MSI2: variants seen among roughly 807,000 people sequenced by gnomAD.
MSI2 encodes the protein musashi RNA binding protein 2.
MSI2 carries 17 observed loss-of-function variants against 45.6 expected under a neutral mutation model. The observed-to-expected ratio is 0.37, with a 90% CI of 0.26 to 0.56. The LOEUF (loss-of-function observed/expected upper bound fraction) is 0.56. Among genes scored for constraint, MSI2 ranks in the 20% least tolerant of loss-of-function variants. MSI2 has a pLI of 0.77. For synonymous variants in MSI2, 156 were observed against 158.2 expected (o/e 0.99, Z 0.11); for missense variants, 293 against 444.2 (o/e 0.66, Z 3.06).
At position 57,391,311 on chromosome 17, in the gene MSI2, T is replaced by C. The variant is rs544364165; in HGVS notation, c.313-10068T>C. On this transcript the variant is annotated intron_variant, in intron 5 of 13. Transcript: ENST00000284073. ...GTGTTCTCAGGGTTACGATTTCACA[T>C]TTGTTGTTTCAGCTTGTGTTATTTC... 2.6e-5 allele frequency among the ~76,000 whole-genome samples: 4 copies of C among 152,202 alleles called. No individual in the cohort carries two copies. The East Asian group carries it at 5.8e-4, about 22-fold the overall frequency.
At chr17:57,465,204 A>G (rs974000701) in intron 6 of MSI2, among the ~76,000 whole-genome samples, 9 of 152,184 alleles carry the variant, frequency 5.9e-5, no homozygotes, top group African/African-American at 1.4e-4. Flanking sequence ...GCTCAGGCCT[A>G]TAATCCCAGT....
intron 10 of MSI2, among the ~76,000 whole-genome samples, chr17:57,643,660 C>T (rs551660703): frequency 6.6e-6 from 1 of 152,390 alleles, no homozygotes; most frequent in South Asian, 2.1e-4. Context: ...TTCATCCAGT[C>T]AGAGGTGTCC....
At chr17:57,267,487 C>T (rs1045158771) in intron 5 of MSI2, 6 of 151,826 alleles carry the variant, frequency 4.0e-5, no homozygotes, top group African/African-American at 1.2e-4. Flanking sequence ...CTCTGCTGCC[C>T]GGGAAGGGAG....
At chr17:57,362,678 C>A (rs2143909781) in intron 5 of MSI2, among the ~76,000 whole-genome samples, 1 of 152,218 alleles carries the variant, frequency 6.6e-6, no homozygotes, top group African/African-American at 2.4e-5. Flanking sequence ...TTCTTTATGT[C>A]TGTGAGCTGT....
At chr17:57,564,816 A>T (rs139108118) in intron 7 of MSI2, among the ~76,000 whole-genome samples, 59 of 152,034 alleles carry the variant, frequency 3.9e-4, no homozygotes, top group African/African-American at 1.4e-3. Flanking sequence ...GCAGTTATGA[A>T]CCCCTGCTGC....
intron 6 of MSI2, among the ~76,000 whole-genome samples, chr17:57,518,640 C>G (rs922298225): frequency 6.6e-6 from 1 of 152,206 alleles, no homozygotes; most frequent in African/African-American, 2.4e-5. Context: ...TGCCTCTCTC[C>G]TCTGGAGCTG....
At chr17:57,690,022 T>C in the MSI2 span, among the ~76,000 whole-genome samples, 1 of 152,324 alleles carries the variant, frequency 6.6e-6, no homozygotes, top group East Asian at 1.9e-4. Flanking sequence ...CATTGGGTCA[T>C]ATGGCAAGCA....
At chr17:57,691,824 T>C in the MSI2 span, among the ~76,000 whole-genome samples, 1 of 152,206 alleles carries the variant, frequency 6.6e-6, no homozygotes, top group African/African-American at 2.4e-5. Flanking sequence ...GGCCTTTTAT[T>C]TATTTTTCTT....
At chr17:57,265,282 C>A (rs1042648149) in intron 5 of MSI2, 1 of 152,130 alleles carries the variant, frequency 6.6e-6, no homozygotes, top group African/African-American at 2.4e-5. Context: ...GAACCCTGCC[C>A]CTCCTCGTGG....
the MSI2 span, among the ~76,000 whole-genome samples, chr17:57,692,000 T>C: frequency 1.3e-5 from 2 of 152,324 alleles, no homozygotes; most frequent in African/African-American, 4.8e-5. Context: ...GTTAAGGAGT[T>C]CCATCCTATT....
intron 5 of MSI2, among the ~76,000 whole-genome samples, chr17:57,386,755 C>T (rs1048298388): frequency 7.3e-6 from 1 of 136,138 alleles, no homozygotes; most frequent in Non-Finnish European, 1.6e-5. Context: ...TTCTGTGGGG[C>T]ATCCTGATGG....
chr17:57,350,225 G>GTGTGTGTGT (rs1915909517), intron 5 of MSI2, among the ~76,000 whole-genome samples: 5 of 146,638 alleles, frequency 3.4e-5, no homozygotes, highest in African/African-American at 1.3e-4. Flanking sequence ...CAGAGGTAGG[G>GTGTGTGTGT]GTGTGTGTGT....
At position 57,650,699 on chromosome 17, in the gene MSI2, A is replaced by C. The variant is rs182902281; in HGVS notation, c.728-1400A>C. 2.0e-4 allele frequency among the ~76,000 whole-genome samples: 30 copies of C among 152,278 alleles called. No homozygotes were observed. The East Asian group carries it at 5.6e-3, about 28-fold the overall frequency. ...GTATGTCTCTTTTCATTGACATTTT[A>C]AGTAGCTTAGCCTGACCTTTTTAGA... On this transcript the variant is annotated intron_variant, in intron 10 of 13. Coordinates refer to ENST00000284073, the MANE Select transcript of MSI2 (RefSeq NM_138962.4).
downstream of MSI2, among the ~76,000 whole-genome samples, chr17:57,687,013 C>A (rs1347990280): frequency 4.1e-5 from 6 of 147,618 alleles, no homozygotes; most frequent in East Asian, 2.0e-4. Context: ...CAGCCCCCCC[C>A]CCAAAAAATT....
At chr17:57,534,074 A>C (rs80100781) in intron 7 of MSI2, among the ~76,000 whole-genome samples, 2,167 of 152,356 alleles carry the variant, frequency 0.014, 27 homozygotes, top group South Asian at 0.054. Flanking sequence ...TGCTTAGCAC[A>C]GTGCTGGCAC....
intron 6 of MSI2, among the ~76,000 whole-genome samples, chr17:57,458,951 T>C (rs2085170535): frequency 6.6e-6 from 1 of 152,224 alleles, no homozygotes; most frequent in Non-Finnish European, 1.5e-5. Context: ...ATCCTTTTAA[T>C]TGCCACCAAA....
intron 5 of MSI2, chr17:57,264,680 C>G (rs1449531123): frequency 6.6e-6 from 1 of 152,234 alleles, no homozygotes; most frequent in African/African-American, 2.4e-5. Context: ...CTAGTATGAG[C>G]TCATTTTGTA....
chr17:57,478,668 G>T (rs2085588848), intron 6 of MSI2, among the ~76,000 whole-genome samples: 1 of 152,166 alleles, frequency 6.6e-6, no homozygotes, highest in African/African-American at 2.4e-5. Context: ...AGACTGCCCT[G>T]GGAGAATCAC....
rs1417088380 is a variant in MSI2 at position 57,682,154 on chromosome 17, CTTA to C, written c.*2640_*2642del. The C allele has an allele frequency of 2.1e-5, 4 of 193,424 alleles. No individual in the cohort carries two copies. The highest frequency in any genetic ancestry group is 4.3e-5 in the Non-Finnish European group (4 of 92,886). 12.0% of individuals were successfully genotyped at this position (193,424 alleles called of 1,614,324 possible). ...AGGACCAGTAAGGATAGAACTTTCTCTTATTTATGAAAAAAAATGCTAATAATT... is the reference window on the plus strand; with the variant it reads ...AGGACCAGTAAGGATAGAACTTTCTCTTTATGAAAAAAAATGCTAATAATT... On this transcript the variant is annotated 3_prime_UTR_variant, in exon 14 of 14. Coordinates refer to ENST00000284073, the MANE Select transcript of MSI2 (RefSeq NM_138962.4).
Sources: gnomAD v4.1 joint callset for allele counts (sites outside exome capture counted in the v4.1 genomes callset) on GRCh38, gnomAD v4.1.1 for gene constraint, MANE v1.5 for transcripts, NCBI Gene and HGNC (gene_info 2026-07-23, HGNC 2026-07-21) for gene names.